Variants in COL1A2 observed in about 807,000 individuals in gnomAD.
COL1A2 encodes the protein collagen alpha-2(I) chain.
COL1A2 carries 49 observed loss-of-function variants against 174.3 expected under a neutral mutation model. The ratio of observed to expected loss-of-function variants is 0.28; its 90% confidence interval spans 0.22 to 0.36. COL1A2 has a LOEUF of 0.36. Ranked by LOEUF, COL1A2 falls within the 10% of genes least tolerant of loss-of-function variation. The probability of loss-of-function intolerance (pLI) is 1.00; values close to 1 mark genes in which losing one functional copy is unlikely to be tolerated. For synonymous variants in COL1A2, 655 were observed against 606.6 expected (o/e 1.08, Z -1.17); for missense variants, 1,438 against 1,822.7 (o/e 0.79, Z 3.84).
At chr7:94,426,585 A>T (rs1792282267) in intron 46 of COL1A2, 55 bp downstream of exon 46, 1 of 1,347,252 alleles carries the variant, frequency 7.4e-7, no homozygotes, top group Non-Finnish European at 1.0e-6. Context: ...CCTTCAGCTC[A>T]GAAGGATTTT....
At chr7:94,399,735 C>A (rs1473579755) in intron 4 of COL1A2, among the ~76,000 whole-genome samples, 1 of 152,104 alleles carries the variant, frequency 6.6e-6, no homozygotes, top group African/African-American at 2.4e-5. Context: ...GATAGTAAAT[C>A]TGCAGGATTT....
At chr7:94,429,871 A>G (rs963525989) in intron 51 of COL1A2, 1 of 271,490 alleles carries the variant, frequency 3.7e-6, no homozygotes, top group African/African-American at 2.2e-5. Flanking sequence ...TGCTATAAAT[A>G]TAAGAAAAAT....
intron 2 of COL1A2, 143 bp from the exon 3 acceptor site, chr7:94,398,239 T>C (rs904104509): frequency 3.1e-6 from 1 of 318,192 alleles, no homozygotes; most frequent in Non-Finnish European, 5.8e-6. Flanking sequence ...AATTGTAGTT[T>C]GAAATATTAA....
chr7:94,427,204 C>A lies in COL1A2; in HGVS notation c.3176C>A (p.Ser1059Tyr). The A allele has an allele frequency of 6.2e-7, 1 of 1,614,062 alleles. No homozygotes were observed. Among genetic ancestry groups the A allele is most frequent in the Non-Finnish European group, 8.5e-7 (1 of 1,179,984 alleles). ...PAGPRGPAGP[S>Y]GPAGKDGRTG... ...CTTCCTTAGGGCCCTGCTGGTCCTT[C>A]TGGCCCTGCTGGAAAAGATGGTCGC... The change falls in exon 48 of 52, where the codon TCT becomes TAT. Residue 1059 changes from serine to tyrosine, a missense_variant. This residue lies in a region of COL1A2 where 867 missense variants were observed against 1,213.7 expected (regional missense o/e 0.71). Coordinates refer to ENST00000297268, the MANE Select transcript of COL1A2 (RefSeq NM_000089.4).
At chr7:94,422,420 G>GA (rs971051433) in intron 39 of COL1A2, 32 of 157,134 alleles carry the variant, frequency 2.0e-4, no homozygotes, top group South Asian at 1.1e-3. Flanking sequence ...AGGTTTCTGG[G>GA]AAAAAAAAAT....
rs1355259857 is a variant in COL1A2, at chr7:94,427,713, G to A, written c.3354G>A (p.Arg1118=). 3.7e-6 allele frequency: 6 copies of A among 1,613,970 alleles called. No homozygotes were observed. The African/African-American group carries it at 8.0e-5, about 22-fold the overall frequency. Reference sequence around the variant, plus strand: ...TTGGTTACGATGGAGACTTCTACAGGGCTGACCAGCCTCGCTCAGCACCTT... The same window carrying A: ...TTGGTTACGATGGAGACTTCTACAGAGCTGACCAGCCTCGCTCAGCACCTT... ...YDFGYDGDFY[R]ADQPRSAPSL... is the part of the protein sequence containing the mutation. Residue 1118 remains arginine, a synonymous_variant, in exon 49 of 52, where the codon AGG becomes AGA. Coordinates refer to ENST00000297268, the MANE Select transcript of COL1A2 (RefSeq NM_000089.4).
chr7:94,421,814 A>AT, intron 38 of COL1A2, 85 bp from the exon 39 acceptor site: 1 of 1,149,824 alleles, frequency 8.7e-7, no homozygotes, highest in Non-Finnish European at 1.3e-6. Flanking sequence ...ACATGTACTG[A>AT]TTTTCCAAAA....
At chr7:94,423,674 G>A (rs755429576) in intron 40 of COL1A2, 20 of 163,114 alleles carry the variant, frequency 1.2e-4, no homozygotes, top group Non-Finnish European at 1.7e-4. Context: ...AGCTCACTGC[G>A]ACTTCCGCCT....
intron 23 of COL1A2, 57 bp downstream of exon 23, chr7:94,411,211 G>A (rs1791916179): frequency 7.6e-7 from 1 of 1,320,574 alleles, no homozygotes; most frequent in African/African-American, 1.5e-5. Flanking sequence ...CTTCTTTAAA[G>A]GGTTGGTTAA....
chr7:94,399,218 CT>C, intron 4 of COL1A2, 134 bp downstream of exon 4: 1 of 756,314 alleles, frequency 1.3e-6, no homozygotes, highest in South Asian at 1.8e-5. Flanking sequence ...AGGTAATGCA[CT>C]GCAGAAGAAG....
chr7:94,429,488 C>T (rs866602701), intron 51 of COL1A2, 58 bp downstream of exon 51: 2 of 1,601,268 alleles, frequency 1.2e-6, no homozygotes, highest in Middle Eastern at 3.3e-4. Flanking sequence ...GGGGTTCTAA[C>T]TTAGACTGCC....
At position 94,411,144 on chromosome 7, in the gene COL1A2, T is replaced by A. The variant is rs1446399667; in HGVS notation, c.1340T>A (p.Met447Lys). Residue 447 changes from methionine to lysine, a missense_variant, in exon 23 of 52, where the codon ATG becomes AAG. By Grantham distance (95) the Met-to-Lys change is moderately conservative (BLOSUM62 -1). Coordinates refer to ENST00000297268, the MANE Select transcript of COL1A2 (RefSeq NM_000089.4). ...GGTCGCCCTGGGGAGCCTGGTCTCA[T>A]GGGACCCAGAGTAAGTTTCAAACTG... ...DAGRPGEPGL[M>K]GPRGLPGSPG... 4 of 1,583,230 alleles carry A rather than the reference T, an allele frequency of 2.5e-6. No individual in the cohort carries two copies. The highest frequency in any genetic ancestry group is 2.6e-6 in the Non-Finnish European group (3 of 1,163,716).
At chr7:94,420,885 C>G (rs1792145720) in intron 37 of COL1A2, 124 bp from the exon 38 acceptor site, 1 of 1,023,586 alleles carries the variant, frequency 9.8e-7, no homozygotes, top group African/African-American at 1.6e-5. Flanking sequence ...CATTCTGACA[C>G]AGATAGTCAT....
Position 94,413,760 on chromosome 7 carries a change from C to T in COL1A2, c.1611+17C>T. On this transcript the variant is annotated intron_variant, in intron 27 of 51. Transcript: ENST00000297268. ...GGACCACAGGTGAGTATTTCTCCCA[C>T]TCTTGTGCTCTTCTGCACTAGAATG... The T allele has an allele frequency of 6.2e-7, 1 of 1,613,908 alleles. No individual in the cohort carries two copies. Among genetic ancestry groups the T allele is most frequent in the Non-Finnish European group, 8.5e-7 (1 of 1,179,774 alleles).
chr7:94,424,675 A>G (rs1455731925), intron 41 of COL1A2: 1 of 545,020 alleles, frequency 1.8e-6, no homozygotes, highest in Non-Finnish European at 3.3e-6. Flanking sequence ...TGTTCTTTCC[A>G]CGCACTTAGG....
intron 49 of COL1A2, 89 bp from the exon 50 acceptor site, chr7:94,428,204 T>C: frequency 1.7e-6 from 2 of 1,156,838 alleles, no homozygotes; most frequent in Admixed American, 1.7e-5. Context: ...ATGTTACTTA[T>C]GAGAGTCAGT....
chr7:94,401,511 C>A, intron 5 of COL1A2, 56 bp from the exon 6 acceptor site: 3 of 788,484 alleles, frequency 3.8e-6, no homozygotes, highest in Non-Finnish European at 5.1e-6. Flanking sequence ...AACTACATGA[C>A]TAGTAACTAA....
chr7:94,425,679 A>T lies in COL1A2; in HGVS notation c.2835+16A>T, dbSNP rs1206711194. The T allele has an allele frequency of 1.2e-6, 2 of 1,614,170 alleles. No individual in the cohort carries two copies. The highest frequency in any genetic ancestry group is 2.2e-5 in the East Asian group (1 of 44,874). On this transcript the variant is annotated intron_variant, in intron 43 of 51. Coordinates refer to ENST00000297268, the MANE Select transcript of COL1A2 (RefSeq NM_000089.4). ...CGGACACAAGGTCAGTACACTTTTC[A>T]TCTTTCTCTAATTCAAAAGTGATTA...
rs1014550811 is a variant in COL1A2 at position 94,426,023 on chromosome 7, C to A, written c.2969C>A (p.Ala990Asp). ...GGTCCTTCTGGTCCTGTTGGTCCTG[C>A]TGGTGCTGTTGGCCCAAGAGGTCCT... Reference protein sequence around the residue: ...ETGPSGPVGPAGAVGPRGPSG... With the variant: ...ETGPSGPVGPDGAVGPRGPSG... Residue 990 changes from alanine (A) to aspartate (D), a missense_variant, in exon 45 of 52, where the codon GCT becomes GAT. Physicochemically the swap from Ala to Asp is moderately radical, Grantham distance 126 (BLOSUM62 -2). This residue lies in a region of COL1A2 where 867 missense variants were observed against 1,213.7 expected (regional missense o/e 0.71). Coordinates refer to ENST00000297268, the MANE Select transcript of COL1A2 (RefSeq NM_000089.4). 1.7e-5 allele frequency: 27 copies of A among 1,614,114 alleles called. No homozygotes were observed. In the Admixed American group the frequency reaches 4.0e-4, roughly 24 times the overall value.
Sources: gnomAD v4.1 joint callset for allele counts (sites outside exome capture counted in the v4.1 genomes callset) on GRCh38, gnomAD v4.1.1 for gene constraint, gnomAD v4.1.1 regional missense constraint, MANE v1.5 for transcripts, NCBI Gene and HGNC (gene_info 2026-07-23, HGNC 2026-07-21) for gene names.